The following ANKS1B variants were observed in gnomAD, a reference collection of about 807,000 sequenced individuals.
The protein encoded by ANKS1B is ankyrin repeat and sterile alpha motif domain-containing protein 1B.
A neutral mutation model predicts 148.3 loss-of-function variants in ANKS1B; 36 were observed. That is an observed-to-expected ratio of 0.24 (90% confidence interval 0.19 to 0.32). The LOEUF is 0.32. ANKS1B is among the 10% of genes least tolerant of loss of function. ANKS1B has a pLI of 1.00. For missense variants in ANKS1B, 1,157 were observed against 1,542.6 expected (o/e 0.75, Z 4.19); for synonymous variants, 542 against 560.8 (o/e 0.97, Z 0.47).
At chr12:98,905,845 G>A (rs140742655) in intron 17 of ANKS1B, among the ~76,000 whole-genome samples, 1 of 151,874 alleles carries the variant, frequency 6.6e-6, no homozygotes, top group Non-Finnish European at 1.5e-5. Flanking sequence ...ATACCAAGTG[G>A]ATAAAAAAAA....
intron 12 of ANKS1B, among the ~76,000 whole-genome samples, chr12:99,273,873 C>G (rs988243212): frequency 6.6e-6 from 1 of 152,050 alleles, no homozygotes; most frequent in Non-Finnish European, 1.5e-5. Flanking sequence ...GTGTAAGCCA[C>G]GGCACCCGGC....
intron 17 of ANKS1B, among the ~76,000 whole-genome samples, chr12:98,832,396 A>G (rs2099326288): frequency 6.6e-6 from 1 of 152,072 alleles, no homozygotes; most frequent in Admixed American, 6.5e-5. Context: ...CTCATTCCCA[A>G]TGCAGCAGCC....
intron 8 of ANKS1B, among the ~76,000 whole-genome samples, chr12:99,762,266 G>A (rs926701383): frequency 6.6e-6 from 1 of 151,956 alleles, no homozygotes; most frequent in Non-Finnish European, 1.5e-5. Context: ...TGAAGCCAGA[G>A]GCATCACATT....
chr12:98,960,210 A>T (rs1189912688), intron 17 of ANKS1B, among the ~76,000 whole-genome samples: 4 of 152,210 alleles, frequency 2.6e-5, no homozygotes, highest in Non-Finnish European at 5.9e-5. Context: ...GGTCTGACCT[A>T]GCACAGTCCC....
chr12:99,155,130 C>G (rs1699751225), intron 14 of ANKS1B: 12 of 1,490,732 alleles, frequency 8.0e-6, no homozygotes, highest in Non-Finnish European at 1.1e-5. Context: ...CAAAAGACAC[C>G]AGGAAATGCG....
chr12:98,936,413 G>A (rs564644702), intron 17 of ANKS1B, among the ~76,000 whole-genome samples: 5 of 152,138 alleles, frequency 3.3e-5, no homozygotes, highest in African/African-American at 9.7e-5. Flanking sequence ...CGGATCATGA[G>A]GTCAAGAGGT....
chr12:99,349,207 A>G (rs2091111817), intron 12 of ANKS1B, among the ~76,000 whole-genome samples: 1 of 152,010 alleles, frequency 6.6e-6, no homozygotes, highest in African/African-American at 2.4e-5. Context: ...GAAGGGAACC[A>G]AAAGGGATTA....
At chr12:99,650,261 T>A (rs950617654) in intron 9 of ANKS1B, among the ~76,000 whole-genome samples, 1 of 92,096 alleles carries the variant, frequency 1.1e-5, no homozygotes, top group Non-Finnish European at 2.8e-5. Context: ...TTCCAAAATA[T>A]AAAATGAGAA....
chr12:99,385,876 C>T (rs780792762), intron 12 of ANKS1B, among the ~76,000 whole-genome samples: 3 of 152,070 alleles, frequency 2.0e-5, no homozygotes, highest in Admixed American at 6.6e-5. Context: ...TTTGAAATTA[C>T]GTAACATGTG....
At chr12:98,995,445 A>G (rs969711672) in intron 17 of ANKS1B, among the ~76,000 whole-genome samples, 4 of 152,162 alleles carry the variant, frequency 2.6e-5, no homozygotes, top group African/African-American at 4.8e-5. Context: ...AATTTAAAAA[A>G]TTAAAAAAAA....
At chr12:99,123,058 C>CAA (rs150690172) in intron 15 of ANKS1B, among the ~76,000 whole-genome samples, 4 of 144,510 alleles carry the variant, frequency 2.8e-5, no homozygotes, top group Non-Finnish European at 3.0e-5. Context: ...AAAAAACCAA[C>CAA]AAAAAAACCC....
chr12:99,178,932 C>T (rs2078745927), intron 14 of ANKS1B, among the ~76,000 whole-genome samples: 1 of 151,924 alleles, frequency 6.6e-6, no homozygotes, highest in Non-Finnish European at 1.5e-5. Flanking sequence ...AATGACTAAT[C>T]ATAAAATTGG....
At chr12:98,982,328 C>T (rs1017759715) in intron 17 of ANKS1B, among the ~76,000 whole-genome samples, 1 of 151,820 alleles carries the variant, frequency 6.6e-6, no homozygotes, top group Non-Finnish European at 1.5e-5. Flanking sequence ...CAGGTGAGGA[C>T]AATGTTTCTG....
At chr12:99,301,559 T>G (rs571897219) in intron 12 of ANKS1B, among the ~76,000 whole-genome samples, 20 of 152,278 alleles carry the variant, frequency 1.3e-4, no homozygotes, top group African/African-American at 4.6e-4. Flanking sequence ...ACTCATTCAT[T>G]CATTCAAAAT....
intron 8 of ANKS1B, among the ~76,000 whole-genome samples, chr12:99,689,337 A>T (rs2098666833): frequency 6.6e-6 from 1 of 152,214 alleles, no homozygotes; most frequent in Non-Finnish European, 1.5e-5. Flanking sequence ...AGAGATTAAG[A>T]ACCAGGCAGA....
At chr12:99,203,805 C>A (rs2082336188) in intron 14 of ANKS1B, among the ~76,000 whole-genome samples, 1 of 152,172 alleles carries the variant, frequency 6.6e-6, no homozygotes, top group Non-Finnish European at 1.5e-5. Context: ...TTTCACGGAA[C>A]TTATTATATT....
chr12:99,334,770 TA>T (rs2088422225), intron 12 of ANKS1B, among the ~76,000 whole-genome samples: 1 of 152,124 alleles, frequency 6.6e-6, no homozygotes, highest in Non-Finnish European at 1.5e-5. Flanking sequence ...TAAAAAAGCA[TA>T]AATTTTTTCT....
At chr12:99,158,169 G>T (rs746199974) in intron 14 of ANKS1B, among the ~76,000 whole-genome samples, 1 of 152,132 alleles carries the variant, frequency 6.6e-6, no homozygotes, top group Non-Finnish European at 1.5e-5. Context: ...AAGAATCTTG[G>T]TTCAGGTCTG....
intron 9 of ANKS1B, among the ~76,000 whole-genome samples, chr12:99,551,503 A>G (rs1176443172): frequency 8.2e-6 from 1 of 121,222 alleles, no homozygotes; most frequent in East Asian, 2.9e-4. Context: ...GGATATGTTT[A>G]CTATGAGTTG....
Sources: gnomAD v4.1 joint callset for allele counts (sites outside exome capture counted in the v4.1 genomes callset) on GRCh38, gnomAD v4.1.1 for gene constraint, MANE v1.5 for transcripts, NCBI Gene and HGNC (gene_info 2026-07-23, HGNC 2026-07-21) for gene names.